Variants in HEXB observed in about 807,000 individuals in gnomAD.
HEXB encodes hexosaminidase subunit beta.
HEXB carries 51 observed loss-of-function variants against 71.2 expected under a neutral mutation model. That is an observed-to-expected ratio of 0.72 (90% CI 0.57 to 0.90). HEXB has a LOEUF of 0.90. HEXB is among the 40% of genes least tolerant of loss of function. HEXB has a pLI of 0.00. For missense variants in HEXB, 617 were observed against 677.0 expected (o/e 0.91, Z 0.98); for synonymous variants, 266 against 249.3 (o/e 1.07, Z -0.63).
chr5:74,713,983 GGCGCCC>G (rs1306586838), intron 7 of HEXB, among the ~76,000 whole-genome samples: 3 of 152,190 alleles, frequency 2.0e-5, no homozygotes, highest in African/African-American at 7.2e-5. Context: ...TGGGACTACA[GGCGCCC>G]GCCACCACGC....
chr5:74,640,530 C>CCCGCAGAGCGTCT, exon 1 of HEXB: 1 of 152,280 alleles, frequency 6.6e-6, no homozygotes, highest in Admixed American at 6.5e-5. Context: ...GTGTCCAGGA[C>CCCGCAGAGCGTCT]CCGCAGAGCG....
In HEXB at chr5:74,721,115, C is replaced by T; in HGVS notation, c.1614-3C>T. The T allele has an allele frequency of 6.2e-7, 1 of 1,604,748 alleles. No individual in the cohort carries two copies. The highest frequency in any genetic ancestry group is 8.5e-7 in the Non-Finnish European group (1 of 1,171,696). ...AAAATATCTTTATTCATGTTATCTA[C>T]AGACGTGGAATAGCTGCACAACCTC... On this transcript the variant is annotated splice_polypyrimidine_tract_variant and splice_region_variant and intron_variant, in intron 13 of 13. Coordinates refer to ENST00000261416, the MANE Select transcript of HEXB (RefSeq NM_000521.4).
intron 13 of HEXB, 68 bp from the exon 14 acceptor site, chr5:74,721,050 C>A: frequency 8.0e-7 from 1 of 1,248,916 alleles, no homozygotes; most frequent in South Asian, 1.2e-5. Flanking sequence ...GAATATCAAT[C>A]TAAAATATCT....
At chr5:74,692,115 A>G (rs897251999) in intron 2 of HEXB, among the ~76,000 whole-genome samples, 7 of 152,132 alleles carry the variant, frequency 4.6e-5, no homozygotes, top group Non-Finnish European at 7.4e-5. Flanking sequence ...TGACTGTGCT[A>G]TTTCTGGAAG....
At chr5:74,644,559 G>A (rs1389848826) in intron 1 of HEXB, among the ~76,000 whole-genome samples, 2 of 151,980 alleles carry the variant, frequency 1.3e-5, no homozygotes, top group African/African-American at 4.8e-5. Context: ...TGAGAATAAG[G>A]AAAAACACAG....
chr5:74,700,848 C>T lies in HEXB; in HGVS notation c.669+3742C>T, dbSNP rs531388738. ...TCAGCCTCCTAAGTAGCTGGGATTACAGGTGCCCGCCATCATGCCTGGCTA... is the reference window on the plus strand; with the variant it reads ...TCAGCCTCCTAAGTAGCTGGGATTATAGGTGCCCGCCATCATGCCTGGCTA... On this transcript the variant is annotated intron_variant, in intron 5 of 13. Transcript: ENST00000261416. 2.6e-5 allele frequency among the ~76,000 whole-genome samples: 4 copies of T among 152,138 alleles called. No homozygotes were observed. The South Asian group carries it at 6.2e-4, about 24-fold the overall frequency.
rs778226392 is a variant in HEXB at position 74,718,366 on chromosome 5, G to A, written c.1242+3G>A. The stretch of plus-strand genomic sequence containing the variant: ...AGGTTTTTGATGATAAAGCAAAGGT[G>A]AGCATTGTGAAGACTGCATCTGATC... On this transcript the variant is annotated splice_donor_region_variant and intron_variant, in intron 10 of 13. Coordinates refer to ENST00000261416, the MANE Select transcript of HEXB (RefSeq NM_000521.4). The A allele has an allele frequency of 1.9e-6, 3 of 1,598,226 alleles. No individual in the cohort carries two copies. Among genetic ancestry groups the A allele is most frequent in the Admixed American group, 1.7e-5 (1 of 59,990 alleles).
intron 6 of HEXB, among the ~76,000 whole-genome samples, chr5:74,706,667 C>T (rs1054306122): frequency 3.3e-4 from 50 of 152,340 alleles, no homozygotes; most frequent in Middle Eastern, 3.4e-3. Context: ...CTCGGAGGGT[C>T]CTACGTGCAC....
At position 74,685,491 on chromosome 5, in the gene HEXB, C is replaced by T. The variant is rs1038526300; in HGVS notation, c.231C>T (p.Phe77=). 2 of 1,610,672 alleles carry T rather than the reference C, an allele frequency of 1.2e-6. No individual in the cohort carries two copies. Among genetic ancestry groups the T allele is most frequent in the Admixed American group, 1.7e-5 (1 of 59,714 alleles). The change falls in exon 1 of 14, where the codon TTC becomes TTT. Residue 77 remains phenylalanine (F), a synonymous_variant. Transcript: ENST00000261416. Reference sequence around the variant, plus strand: ...TGCTGCATCTCGCCCCGGAGAACTTCTACATCAGCCACAGCCCCAATTCCA... The same window carrying T: ...TGCTGCATCTCGCCCCGGAGAACTTTTACATCAGCCACAGCCCCAATTCCA... ...PNLLHLAPEN[F]YISHSPNSTA... is the part of the protein sequence containing the mutation.
At chr5:74,646,975 G>T (rs1748013246) in intron 1 of HEXB, among the ~76,000 whole-genome samples, 1 of 152,230 alleles carries the variant, frequency 6.6e-6, no homozygotes, top group African/African-American at 2.4e-5. Flanking sequence ...ATATTTAGAA[G>T]AAGGTAGCCC....
At chr5:74,706,222 T>G (rs1434898039) in intron 6 of HEXB, 1 of 152,194 alleles carries the variant, frequency 6.6e-6, no homozygotes, top group African/African-American at 2.4e-5. Context: ...AAAGGCCTGT[T>G]CTTTAAGAAA....
chr5:74,663,135 C>A (rs1320886112), intron 1 of HEXB, among the ~76,000 whole-genome samples: 1 of 151,756 alleles, frequency 6.6e-6, no homozygotes, highest in Non-Finnish European at 1.5e-5. Context: ...CTGCTACAGA[C>A]CTAAAGTCAG....
At chr5:74,720,572 T>C in intron 12 of HEXB, 54 bp downstream of exon 12, 1 of 1,593,412 alleles carries the variant, frequency 6.3e-7, no homozygotes, top group Non-Finnish European at 8.6e-7. Flanking sequence ...GCTTTCCTTC[T>C]CTGTCTAAAC....
intron 11 of HEXB, among the ~76,000 whole-genome samples, chr5:74,719,592 T>C (rs1489744862): frequency 6.6e-6 from 1 of 152,222 alleles, no homozygotes; most frequent in Non-Finnish European, 1.5e-5. Flanking sequence ...TAAGAATTGA[T>C]AATTTTATAT....
chr5:74,690,131 A>G (rs1748964333), intron 2 of HEXB, among the ~76,000 whole-genome samples: 1 of 152,188 alleles, frequency 6.6e-6, no homozygotes, highest in African/African-American at 2.4e-5. Context: ...CTGCTGTACA[A>G]TATAATCAAC....
At chr5:74,706,515 A>G (rs1216306424) in intron 6 of HEXB, among the ~76,000 whole-genome samples, 1 of 152,252 alleles carries the variant, frequency 6.6e-6, no homozygotes, top group African/African-American at 2.4e-5. Context: ...CGGGAAGCGC[A>G]AGGGGTCAGG....
chr5:74,687,755 C>T (rs1421867688), intron 1 of HEXB, among the ~76,000 whole-genome samples: 1 of 152,084 alleles, frequency 6.6e-6, no homozygotes, highest in East Asian at 1.9e-4. Flanking sequence ...GTATGTATTT[C>T]GGTGGTCTTA....
chr5:74,653,126 G>A (rs574798087), intron 1 of HEXB, among the ~76,000 whole-genome samples: 80 of 152,274 alleles, frequency 5.3e-4, no homozygotes, highest in Admixed American at 1.2e-3. Flanking sequence ...GAGTCAGGTG[G>A]TTACACACAC....
intron 1 of HEXB, among the ~76,000 whole-genome samples, chr5:74,669,215 T>C: frequency 6.6e-6 from 1 of 152,210 alleles, no homozygotes; most frequent in East Asian, 1.9e-4. Context: ...ATGCCATCAC[T>C]AGCTGTGTTT....
Sources: gnomAD v4.1 joint callset for allele counts (sites outside exome capture counted in the v4.1 genomes callset) on GRCh38, gnomAD v4.1.1 for gene constraint, MANE v1.5 for transcripts, NCBI Gene and HGNC (gene_info 2026-07-23, HGNC 2026-07-21) for gene names.